SET: variants seen among roughly 807,000 people sequenced by gnomAD.
The protein encoded by SET is protein SET.
Under a neutral mutation model 39.0 loss-of-function variants are expected in SET, and 4 were observed. The observed-to-expected ratio is 0.10, with a 90% CI of 0.05 to 0.23. SET has a LOEUF of 0.23. SET is among the 10% of genes least tolerant of loss of function. The probability of loss-of-function intolerance (pLI) is 1.00; values close to 1 mark genes in which losing one functional copy is unlikely to be tolerated. For missense variants in SET, 137 were observed against 329.7 expected (o/e 0.42, Z 4.53); for synonymous variants, 114 against 115.9 (o/e 0.98, Z 0.11).
At position 128,689,339 on chromosome 9, in the gene SET, C is replaced by CG; in HGVS notation, c.-244_-243insG. The stretch of plus-strand genomic sequence containing the variant: ...CGCCCGCCGCCGCCGCCTCCGCCTC[C>CG]CCTCCGCGAACAGGAGCCCGGGCCG... On this transcript the variant is annotated 5_prime_UTR_variant, in exon 1 of 8. Coordinates refer to ENST00000322030, the MANE Select transcript of SET (RefSeq NM_003011.4). The CG allele has an allele frequency of 9.5e-7, 1 of 1,049,112 alleles. No individual in the cohort carries two copies. The highest frequency in any genetic ancestry group is 1.1e-6 in the Non-Finnish European group (1 of 869,772). The allele number at this position is 1,049,112 out of a possible 1,614,324, so 65.0% of individuals were successfully genotyped here.
At position 128,689,597 on chromosome 9, in the gene SET, G is replaced by C; in HGVS notation, c.15G>C (p.Ala5=). The C allele has an allele frequency of 7.3e-7, 1 of 1,377,368 alleles. No homozygotes were observed. Among genetic ancestry groups the C allele is most frequent in the Non-Finnish European group, 9.5e-7 (1 of 1,047,294 alleles). The allele number at this position is 1,377,368 out of a possible 1,614,324, so 85.3% of individuals were successfully genotyped here. A position where few individuals can be genotyped will look rare whatever the true frequency, so the allele number is the denominator to read the frequency against. ...GGAGCAGCACCATGTCGGCGCCGGCGGCCAAAGTCAGTAAAAAGGAGCTCA... is the reference window on the plus strand; with the variant it reads ...GGAGCAGCACCATGTCGGCGCCGGCCGCCAAAGTCAGTAAAAAGGAGCTCA... MSAP[A]AKVSKKELNS... The change falls in exon 1 of 8, where the codon GCG becomes GCC. Residue 5 remains alanine (A), a synonymous_variant. Coordinates refer to ENST00000322030, the MANE Select transcript of SET (RefSeq NM_003011.4).
upstream of SET, among the ~76,000 whole-genome samples, chr9:128,687,480 C>T (rs1861324432): frequency 6.6e-6 from 1 of 152,084 alleles, no homozygotes; most frequent in South Asian, 2.1e-4. Flanking sequence ...TGGTGACTCA[C>T]ATCTGTAATC....
At chr9:128,694,551 C>A in intron 7 of SET, 90 bp from the exon 8 acceptor site, 1 of 813,056 alleles carries the variant, frequency 1.2e-6, no homozygotes, top group South Asian at 1.7e-5. Flanking sequence ...CTGGAGTGCC[C>A]CCAGGGGCAC....
intron 1 of SET, chr9:128,690,931 T>A (rs1861509344): frequency 1.8e-6 from 1 of 563,124 alleles, no homozygotes; most frequent in African/African-American, 1.9e-5. Flanking sequence ...TGAAACTCTT[T>A]AAAAAGGCGC....
chr9:128,692,617 G>C lies in SET; in HGVS notation c.275-45G>C, dbSNP rs768165386. The C allele has an allele frequency of 1.4e-5, 18 of 1,248,990 alleles. No individual in the cohort carries two copies. In the South Asian group the frequency reaches 2.1e-4, roughly 14 times the overall value. 77.4% of individuals were successfully genotyped at this position (1,248,990 alleles called of 1,614,324 possible). A position where few individuals can be genotyped will look rare whatever the true frequency, so the allele number is the denominator to read the frequency against. On this transcript the variant is annotated intron_variant, in intron 3 of 7. Coordinates refer to ENST00000322030, the MANE Select transcript of SET (RefSeq NM_003011.4). ...AGGGATCACTTAAATTGTTGTTAGT[G>C]TGTGCCTGTTGAAAATTCAGCTGAC... is the stretch of plus-strand genomic sequence containing the variant.
chr9:128,691,067 G>C (rs776128129), intron 1 of SET, 103 bp from the exon 2 acceptor site: 1 of 889,968 alleles, frequency 1.1e-6, no homozygotes, highest in Admixed American at 1.8e-5. Flanking sequence ...TGTACTAGGC[G>C]TTTTTGTTTT....
upstream of SET, among the ~76,000 whole-genome samples, chr9:128,687,472 G>A (rs561451872): frequency 6.6e-6 from 1 of 152,092 alleles, no homozygotes; most frequent in Non-Finnish European, 1.5e-5. Flanking sequence ...GCAGGGCGTG[G>A]TGACTCACAT....
chr9:128,689,093 C>T, upstream of SET: 1 of 180,756 alleles, frequency 5.5e-6, no homozygotes, highest in Non-Finnish European at 1.1e-5. Context: ...CTCGCCGGGC[C>T]CTGTGTCTCC....
intron 5 of SET, 63 bp downstream of exon 5, chr9:128,693,044 A>G: frequency 9.4e-7 from 1 of 1,065,410 alleles, no homozygotes; most frequent in South Asian, 1.4e-5. Context: ...AGTTTTAACC[A>G]CTTACAAGTG....
chr9:128,691,414 TG>T (rs951483756), intron 2 of SET, among the ~76,000 whole-genome samples, 187 bp downstream of exon 2: 48 of 152,372 alleles, frequency 3.2e-4, no homozygotes, highest in Admixed American at 2.8e-3. Flanking sequence ...GAAAGTGCAT[TG>T]ACCTTACAAG....
rs1240134564 is a variant in SET, at chr9:128,695,961, T to C, written c.*1297T>C. On this transcript the variant is annotated 3_prime_UTR_variant, in exon 8 of 8. Transcript: ENST00000322030. ...GTTGCTGGCATGTCTTCATTGGCTA[T>C]ATAAAATGTGGCCAAGAAGATAGGC... The C allele has an allele frequency of 2.2e-5, 5 of 226,202 alleles. No homozygotes were observed. Among genetic ancestry groups the C allele is most frequent in the Non-Finnish European group, 4.4e-5 (5 of 113,160 alleles). 14.0% of individuals were successfully genotyped at this position (226,202 alleles called of 1,614,324 possible). A position where few individuals can be genotyped will look rare whatever the true frequency, so the allele number is the denominator to read the frequency against.
intron 2 of SET, 72 bp downstream of exon 2, chr9:128,691,299 TATGGTCA>T: frequency 1.1e-6 from 1 of 946,840 alleles, no homozygotes. Context: ...TTATCGAAGC[TATGGTCA>T]AATCTATCCA....
chr9:128,688,709 G>C (rs1861373334), upstream of SET, among the ~76,000 whole-genome samples: 1 of 152,236 alleles, frequency 6.6e-6, no homozygotes. Context: ...GGATTACACA[G>C]CCTGGGGCTT....
At chr9:128,684,152 G>A (rs1013114026) in intron 1 of SET, 90 of 661,736 alleles carry the variant, frequency 1.4e-4, no homozygotes, top group Middle Eastern at 5.0e-4. Flanking sequence ...TTAAGTTTGC[G>A]TGAAGAACCA....
chr9:128,692,865 C>T lies in SET; in HGVS notation c.379-3C>T, dbSNP rs1490789457. On this transcript the variant is annotated splice_region_variant and splice_polypyrimidine_tract_variant and intron_variant, in intron 4 of 7. Coordinates refer to ENST00000322030, the MANE Select transcript of SET (RefSeq NM_003011.4). Reference sequence around the variant, plus strand: ...TTTCTAATCTTTCAATTATTTATTACAGTATTTTGATGAAAATCCTTACTT... The same window carrying T: ...TTTCTAATCTTTCAATTATTTATTATAGTATTTTGATGAAAATCCTTACTT... The T allele has an allele frequency of 1.3e-6, 2 of 1,539,720 alleles. No homozygotes were observed. The highest frequency in any genetic ancestry group is 1.1e-5 in the South Asian group (1 of 88,624).
chr9:128,692,109 C>T (rs905761009), intron 3 of SET, 109 bp downstream of exon 3: 3 of 1,341,884 alleles, frequency 2.2e-6, no homozygotes, highest in Middle Eastern at 1.9e-4. Flanking sequence ...CAAAGACAGG[C>T]TGGGTGCGGT....
At chr9:128,690,488 C>T (rs866559018) in intron 1 of SET, 1 of 153,166 alleles carries the variant, frequency 6.5e-6, no homozygotes. Context: ...GAGCACACCC[C>T]CTTTTCTTCC....
In SET at chr9:128,694,864, G is replaced by C. The variant is rs1861675702; in HGVS notation, c.*200G>C. On this transcript the variant is annotated 3_prime_UTR_variant, in exon 8 of 8. Coordinates refer to ENST00000322030, the MANE Select transcript of SET (RefSeq NM_003011.4). ...TTGAGCAGAATACAATGGGAAAAGA[G>C]TCTCTACCCCTTTCTGTTCGAAGTT... is the stretch of plus-strand genomic sequence containing the variant. 4.5e-6 allele frequency: 2 copies of C among 440,108 alleles called. No individual in the cohort carries two copies. Among genetic ancestry groups the C allele is most frequent in the South Asian group, 1.0e-4 (2 of 19,358 alleles). The allele number at this position is 440,108 out of a possible 1,614,324, so 27.3% of individuals were successfully genotyped here.
At chr9:128,684,140 G>A in intron 1 of SET, 1 of 691,812 alleles carries the variant, frequency 1.4e-6, no homozygotes. Context: ...TGGGATGGTG[G>A]ATTAAGTTTG....
Sources: allele counts gnomAD v4.1 joint callset (sites outside exome capture counted in the v4.1 genomes callset), GRCh38; gene constraint gnomAD v4.1.1; transcripts MANE v1.5; gene names NCBI Gene and HGNC (gene_info 2026-07-23, HGNC 2026-07-21).